The following EPHA6 variants were observed in gnomAD, a reference collection of about 807,000 sequenced individuals.
EPHA6 encodes ephrin type-A receptor 6.
EPHA6 carries 50 observed loss-of-function variants against 112.0 expected under a neutral mutation model. The observed-to-expected ratio is 0.45, with a 90% CI of 0.36 to 0.56. The LOEUF is 0.56. Among genes scored for constraint, EPHA6 ranks in the 20% least tolerant of loss-of-function variants. The pLI, the probability that EPHA6 is intolerant of heterozygous loss-of-function variation, is 0.00. For missense variants in EPHA6, 1,280 were observed against 1,417.4 expected (o/e 0.90, Z 1.56); for synonymous variants, 529 against 490.7 (o/e 1.08, Z -1.03).
intron 2 of EPHA6, among the ~76,000 whole-genome samples, chr3:96,957,343 A>G (rs1279088951): frequency 6.6e-6 from 1 of 152,214 alleles, no homozygotes; most frequent in East Asian, 1.9e-4. Context: ...TGGTAGACAG[A>G]CGTTCTCAAT....
intron 11 of EPHA6, among the ~76,000 whole-genome samples, chr3:97,565,969 G>A (rs1577799330): frequency 6.7e-6 from 1 of 148,268 alleles, no homozygotes; most frequent in African/African-American, 2.5e-5. Context: ...GCAGTGAGCC[G>A]AGATCATGCC....
intron 3 of EPHA6, among the ~76,000 whole-genome samples, chr3:97,012,563 T>C (rs1177112613): frequency 6.8e-6 from 1 of 147,430 alleles, no homozygotes; most frequent in African/African-American, 2.5e-5. Flanking sequence ...AAAACTAGAA[T>C]ATATATACAT....
Position 97,505,041 on chromosome 3 carries a change from G to T in EPHA6, c.2200+20982G>T, listed in dbSNP as rs146747248. On this transcript the variant is annotated intron_variant, in intron 10 of 17. Transcript: ENST00000389672. ...CATGAGGTTACCTTTGTCATCCCCAGAATTTTATAGAGGAAGTTCAATTCA... is the reference window on the plus strand; with the variant it reads ...CATGAGGTTACCTTTGTCATCCCCATAATTTTATAGAGGAAGTTCAATTCA... Among the ~76,000 whole-genome samples the T allele has an allele frequency of 8.3e-3, 1,258 of 152,050 alleles. 6 individuals are homozygous for T. The highest frequency in any genetic ancestry group is 0.017 in the Middle Eastern group (5 of 294).
At chr3:96,816,354 A>G (rs1238844451) in intron 1 of EPHA6, among the ~76,000 whole-genome samples, 1 of 152,166 alleles carries the variant, frequency 6.6e-6, no homozygotes, top group Non-Finnish European at 1.5e-5. Context: ...CATAATAGAT[A>G]TCAGTTACAG....
chr3:97,382,081 G>A (rs1221686712), intron 5 of EPHA6, among the ~76,000 whole-genome samples: 1 of 151,980 alleles, frequency 6.6e-6, no homozygotes, highest in Admixed American at 6.6e-5. Context: ...TAACTATTTA[G>A]AAATGTATAT....
At chr3:97,095,491 C>G (rs1576478420) in intron 3 of EPHA6, among the ~76,000 whole-genome samples, 1 of 151,876 alleles carries the variant, frequency 6.6e-6, no homozygotes. Context: ...TGTGACCATA[C>G]CCCCCACCTT....
intron 5 of EPHA6, among the ~76,000 whole-genome samples, chr3:97,344,918 A>G (rs1384936911): frequency 6.6e-6 from 1 of 152,162 alleles, no homozygotes; most frequent in African/African-American, 2.4e-5. Context: ...TGAAGGAACA[A>G]AAGAAGGAAG....
chr3:97,714,267 G>A (rs895034441), intron 14 of EPHA6, among the ~76,000 whole-genome samples: 1 of 152,194 alleles, frequency 6.6e-6, no homozygotes, highest in African/African-American at 2.4e-5. Flanking sequence ...GCTGCTAAGA[G>A]GTGCTTTATG....
intron 5 of EPHA6, among the ~76,000 whole-genome samples, chr3:97,259,201 T>G (rs2079415703): frequency 6.6e-6 from 1 of 152,136 alleles, no homozygotes. Flanking sequence ...TACACCACAT[T>G]AAAAACCTCA....
intron 3 of EPHA6, among the ~76,000 whole-genome samples, chr3:97,223,188 A>G (rs2078255895): frequency 6.6e-6 from 1 of 152,210 alleles, no homozygotes; most frequent in Non-Finnish European, 1.5e-5. Context: ...GACCCTGGAA[A>G]TGCATTTTAG....
chr3:97,619,835 T>A lies in EPHA6; in HGVS notation c.2574+8981T>A, dbSNP rs190402628. On this transcript the variant is annotated intron_variant, in intron 13 of 17. Transcript: ENST00000389672. ...AGAATCAATATTGTTAAAGTGGCCA[T>A]ACTGCCCAAAGCAATTTACAGATTC... Among the ~76,000 whole-genome samples the A allele has an allele frequency of 3.7e-3, 565 of 152,282 alleles. 4 individuals carry two copies. Among genetic ancestry groups the A allele is most frequent in the African/African-American group, 0.013 (524 of 41,574 alleles).
At chr3:97,446,042 A>G (rs929401940) in intron 6 of EPHA6, among the ~76,000 whole-genome samples, 4 of 152,198 alleles carry the variant, frequency 2.6e-5, no homozygotes, top group African/African-American at 9.6e-5. Context: ...ACCTGGTGAC[A>G]ACACCTTTGA....
chr3:97,124,990 T>C (rs1030422142), intron 3 of EPHA6, among the ~76,000 whole-genome samples: 1 of 151,288 alleles, frequency 6.6e-6, no homozygotes, highest in African/African-American at 2.5e-5. Flanking sequence ...CAAATTTTAA[T>C]TGGGAGCACC....
intron 14 of EPHA6, among the ~76,000 whole-genome samples, chr3:97,651,096 T>C (rs1437787001): frequency 6.6e-6 from 1 of 152,052 alleles, no homozygotes; most frequent in African/African-American, 2.4e-5. Flanking sequence ...CCTACAGTAA[T>C]ATACTACTTA....
chr3:97,393,885 T>C (rs747344386), intron 5 of EPHA6, among the ~76,000 whole-genome samples: 1 of 151,798 alleles, frequency 6.6e-6, no homozygotes, highest in Non-Finnish European at 1.5e-5. Context: ...TTCATGCATG[T>C]TGTCACAAAT....
At chr3:97,341,920 G>A (rs1463843871) in intron 5 of EPHA6, among the ~76,000 whole-genome samples, 1 of 152,130 alleles carries the variant, frequency 6.6e-6, no homozygotes, top group African/African-American at 2.4e-5. Flanking sequence ...GGGTGAGAAA[G>A]ACAATTGTGA....
At chr3:96,966,053 A>G (rs1393368360) in intron 2 of EPHA6, among the ~76,000 whole-genome samples, 2 of 152,142 alleles carry the variant, frequency 1.3e-5, no homozygotes, top group East Asian at 3.8e-4. Context: ...TATATTATAT[A>G]TCAGTAAGAC....
chr3:96,941,264 A>G (rs997514595), intron 2 of EPHA6, among the ~76,000 whole-genome samples: 1 of 152,118 alleles, frequency 6.6e-6, no homozygotes, highest in African/African-American at 2.4e-5. Flanking sequence ...TTCTTTTCAC[A>G]TAGTCCCATA....
intron 13 of EPHA6, among the ~76,000 whole-genome samples, chr3:97,614,086 T>C (rs2107472040): frequency 6.6e-6 from 1 of 152,278 alleles, no homozygotes; most frequent in Non-Finnish European, 1.5e-5. Context: ...AGTATAGCTA[T>C]AGAATACTTT....
Sources: allele counts gnomAD v4.1 joint callset (sites outside exome capture counted in the v4.1 genomes callset), GRCh38; gene constraint gnomAD v4.1.1; transcripts MANE v1.5; gene names NCBI Gene and HGNC (gene_info 2026-07-23, HGNC 2026-07-21).